The following DYSF variants were observed in gnomAD, a reference collection of about 807,000 sequenced individuals.
DYSF encodes dysferlin.
Under a neutral mutation model 274.9 loss-of-function variants are expected in DYSF, and 212 were observed. That is an observed-to-expected ratio of 0.77 (90% CI 0.69 to 0.86). DYSF has a LOEUF of 0.86. DYSF is among the 40% of genes least tolerant of loss of function. The pLI, the probability that DYSF is intolerant of heterozygous loss-of-function variation, is 0.00. For missense variants in DYSF, 2,666 were observed against 2,783.2 expected, an observed-to-expected ratio of 0.96 and a Z score of 0.95; for synonymous variants, 1,091 against 1,078.7, an observed-to-expected ratio of 1.01 and a Z score of -0.22.
At chr2:71,553,217 G>C in intron 20 of DYSF, 29 bp downstream of exon 20, 3 of 1,613,420 alleles carry the variant, frequency 1.9e-6, no homozygotes, top group Non-Finnish European at 2.5e-6. Flanking sequence ...CTGGGACCCC[G>C]ATCACAGGAT....
At chr2:71,516,462 C>T (rs559967685) in intron 9 of DYSF, among the ~76,000 whole-genome samples, 1 of 152,358 alleles carries the variant, frequency 6.6e-6, no homozygotes, top group East Asian at 1.9e-4. Context: ...CAGTCAGGCT[C>T]TACGGGTCAC....
rs1253514159 is a variant in DYSF, at chr2:71,667,520, G to T, written c.5457+5G>T. On this transcript the variant is annotated splice_donor_5th_base_variant and intron_variant, in intron 48 of 55. Transcript: ENST00000410020. ...CTGCAGCCAGACATCGAGCAGGTAG[G>T]ACCTTGACCCTTGGGTCCCAGAGTC... The T allele has an allele frequency of 6.2e-7, 1 of 1,614,054 alleles. No homozygotes were observed. Among genetic ancestry groups the T allele is most frequent in the Non-Finnish European group, 8.5e-7 (1 of 1,179,984 alleles).
At chr2:71,503,444 C>T in intron 4 of DYSF, 125 bp downstream of exon 4, 1 of 966,982 alleles carries the variant, frequency 1.0e-6, no homozygotes, top group Non-Finnish European at 1.6e-6. Context: ...CAGGCCTGGC[C>T]CTCCCTGACC....
chr2:71,475,395 G>A (rs1013129415), intron 1 of DYSF, among the ~76,000 whole-genome samples: 14 of 152,236 alleles, frequency 9.2e-5, no homozygotes, highest in Admixed American at 7.9e-4. Context: ...AAGGCATGGT[G>A]TTTGCCGCCA....
intron 42 of DYSF, among the ~76,000 whole-genome samples, chr2:71,652,933 ATAAAT>A (rs1034990949): frequency 6.6e-5 from 10 of 152,386 alleles, no homozygotes; most frequent in African/African-American, 1.7e-4. Flanking sequence ...TTAGCAAAAA[ATAAAT>A]TAAATTCTTG....
At chr2:71,598,808 C>T (rs1558578708) in intron 33 of DYSF, 63 bp downstream of exon 33, 2 of 1,585,738 alleles carry the variant, frequency 1.3e-6, no homozygotes, top group Non-Finnish European at 1.7e-6. Context: ...AAGGTGGGGT[C>T]TCCAGGGACT....
chr2:71,647,933 G>A (rs1032596298), intron 42 of DYSF, among the ~76,000 whole-genome samples: 2 of 152,218 alleles, frequency 1.3e-5, no homozygotes, highest in Admixed American at 6.5e-5. Context: ...GGTTGAAGCT[G>A]ATGACAGAAG....
chr2:71,579,320 G>A (rs1421510677), intron 30 of DYSF, among the ~76,000 whole-genome samples: 2 of 152,200 alleles, frequency 1.3e-5, no homozygotes, highest in Non-Finnish European at 2.9e-5. Context: ...AGATGCCTGG[G>A]CCTGGCAGGG....
At chr2:71,601,442 G>C in intron 34 of DYSF, 57 bp from the exon 35 acceptor site, 1 of 1,609,758 alleles carries the variant, frequency 6.2e-7, no homozygotes, top group Non-Finnish European at 8.5e-7. Flanking sequence ...TGTCATGAGG[G>C]TGATGGGGGC....
intron 3 of DYSF, among the ~76,000 whole-genome samples, chr2:71,486,991 T>G (rs1183518640): frequency 3.3e-5 from 5 of 152,186 alleles, no homozygotes; most frequent in Non-Finnish European, 7.3e-5. Context: ...CCTGGGCAGC[T>G]TTTACACCCA....
chr2:71,470,689 A>G (rs1482122809), intron 1 of DYSF, among the ~76,000 whole-genome samples: 15 of 148,680 alleles, frequency 1.0e-4, no homozygotes, highest in Admixed American at 4.7e-4. Context: ...AAAAAAAAAA[A>G]AAAAGAAAAG....
At chr2:71,485,246 A>G (rs1444497725) in intron 3 of DYSF, among the ~76,000 whole-genome samples, 1 of 152,210 alleles carries the variant, frequency 6.6e-6, no homozygotes, top group Non-Finnish European at 1.5e-5. Context: ...CACTGTCATG[A>G]GAAGAAATGA....
intron 23 of DYSF, among the ~76,000 whole-genome samples, chr2:71,562,436 G>C (rs1469783246): frequency 1.3e-5 from 2 of 152,126 alleles, no homozygotes; most frequent in African/African-American, 4.8e-5. Context: ...GAGTTTTGCT[G>C]AATCTGATCA....
intron 38 of DYSF, among the ~76,000 whole-genome samples, 153 bp downstream of exon 38, chr2:71,611,779 C>T (rs1194403121): frequency 6.6e-6 from 1 of 152,140 alleles, no homozygotes; most frequent in Non-Finnish European, 1.5e-5. Flanking sequence ...ATGCTCATAC[C>T]CTCCTCACTG....
At chr2:71,669,286 G>A (rs998231650) in intron 50 of DYSF, 79 bp downstream of exon 50, 21 of 1,257,216 alleles carry the variant, frequency 1.7e-5, no homozygotes, top group Admixed American at 9.8e-5. Flanking sequence ...AGCACGGGGG[G>A]CTCTGGCTCA....
At chr2:71,496,954 C>G (rs530870362) in intron 3 of DYSF, among the ~76,000 whole-genome samples, 75 of 152,296 alleles carry the variant, frequency 4.9e-4, no homozygotes, top group Middle Eastern at 3.4e-3. Context: ...CTGTAGAGTT[C>G]AAAGCAAAGC....
At chr2:71,471,063 T>G (rs969571759) in intron 1 of DYSF, among the ~76,000 whole-genome samples, 2 of 152,134 alleles carry the variant, frequency 1.3e-5, no homozygotes, top group African/African-American at 4.8e-5. Flanking sequence ...CCCAAAGTGC[T>G]TGGATTACAG....
chr2:71,595,430 T>C (rs2093379179), intron 32 of DYSF, among the ~76,000 whole-genome samples: 1 of 152,176 alleles, frequency 6.6e-6, no homozygotes, highest in Admixed American at 6.5e-5. Context: ...TTGGTCTTCC[T>C]GGGGAAAGCT....
chr2:71,474,474 C>G (rs1323557187), intron 1 of DYSF, among the ~76,000 whole-genome samples: 1 of 152,202 alleles, frequency 6.6e-6, no homozygotes, highest in Non-Finnish European at 1.5e-5. Flanking sequence ...CCACATCTCT[C>G]AAGGCCTAAA....
Sources: gnomAD v4.1 joint callset for allele counts (sites outside exome capture counted in the v4.1 genomes callset) on GRCh38, gnomAD v4.1.1 for gene constraint, MANE v1.5 for transcripts, NCBI Gene and HGNC (gene_info 2026-07-23, HGNC 2026-07-21) for gene names.